The following STAC variants were observed in gnomAD, a reference collection of about 807,000 sequenced individuals.
STAC encodes SH3 and cysteine rich domain.
Under a neutral mutation model 48.8 loss-of-function variants are expected in STAC, and 43 were observed. The ratio of observed to expected loss-of-function variants is 0.88; its 90% CI spans 0.69 to 1.14. The LOEUF (loss-of-function observed/expected upper bound fraction) is 1.14, where lower values mean the gene tolerates loss of function less well. Ranked by LOEUF, STAC falls within the 50% of genes most tolerant of loss-of-function variation. The pLI is 0.00. For synonymous variants in STAC, 193 were observed against 179.5 expected (o/e 1.07, Z -0.60); for missense variants, 497 against 504.0 (o/e 0.99, Z 0.13).
At chr3:36,513,309 T>G (rs1400916326) in intron 8 of STAC, among the ~76,000 whole-genome samples, 1 of 152,156 alleles carries the variant, frequency 6.6e-6, no homozygotes, top group Non-Finnish European at 1.5e-5. Flanking sequence ...ACCTGCCCCT[T>G]AGGATGAAAG....
chr3:36,420,135 A>G (rs975562950), intron 1 of STAC, among the ~76,000 whole-genome samples: 1 of 152,206 alleles, frequency 6.6e-6, no homozygotes, highest in Non-Finnish European at 1.5e-5. Flanking sequence ...TAGCACTGAG[A>G]ATAGAATAAC....
At chr3:36,479,291 C>T (rs547361325) in intron 2 of STAC, among the ~76,000 whole-genome samples, 1 of 151,954 alleles carries the variant, frequency 6.6e-6, no homozygotes, top group East Asian at 1.9e-4. Flanking sequence ...TTAACAGCTT[C>T]TGAAATTTCA....
chr3:36,428,908 G>A (rs1229615001), intron 1 of STAC, among the ~76,000 whole-genome samples: 1 of 152,086 alleles, frequency 6.6e-6, no homozygotes, highest in Non-Finnish European at 1.5e-5. Context: ...ATCACTCTTG[G>A]CCACTTTGAA....
intron 1 of STAC, among the ~76,000 whole-genome samples, chr3:36,429,575 G>A (rs796191195): frequency 7.9e-5 from 12 of 152,146 alleles, no homozygotes; most frequent in African/African-American, 2.9e-4. Context: ...CATGTCCCTG[G>A]GCCACCTCAA....
At chr3:36,388,105 G>C (rs1033498216) in intron 1 of STAC, among the ~76,000 whole-genome samples, 2 of 152,042 alleles carry the variant, frequency 1.3e-5, no homozygotes, top group African/African-American at 4.8e-5. Context: ...ATCTTCTTTG[G>C]AGAAATATCT....
At chr3:36,507,871 C>T (rs1698442233) in intron 8 of STAC, among the ~76,000 whole-genome samples, 1 of 152,162 alleles carries the variant, frequency 6.6e-6, no homozygotes, top group South Asian at 2.1e-4. Flanking sequence ...AAAAAACCAG[C>T]TCCTGGATTC....
At chr3:36,418,703 A>G (rs1043186945) in intron 1 of STAC, among the ~76,000 whole-genome samples, 2 of 151,050 alleles carry the variant, frequency 1.3e-5, no homozygotes, top group African/African-American at 4.9e-5. Context: ...GAAGGATATC[A>G]AAGTATTTTA....
rs546495397 is a variant in STAC, at chr3:36,401,995, G to A, written c.111+21241G>A. Among the ~76,000 whole-genome samples the A allele has an allele frequency of 2.6e-5, 4 of 152,310 alleles. No homozygotes were observed. The South Asian group carries it at 8.3e-4, about 32-fold the overall frequency. Reference sequence around the variant, plus strand: ...TTTCACAGATGACAAAACTATAGAGGTGGAGGCTGAGAAAAGTAAAGCCGC... The same window carrying A: ...TTTCACAGATGACAAAACTATAGAGATGGAGGCTGAGAAAAGTAAAGCCGC... On this transcript the variant is annotated intron_variant, in intron 1 of 10. Coordinates refer to ENST00000273183, the MANE Select transcript of STAC (RefSeq NM_003149.3).
At chr3:36,461,453 G>T (rs566112292) in intron 2 of STAC, among the ~76,000 whole-genome samples, 6 of 152,298 alleles carry the variant, frequency 3.9e-5, no homozygotes, top group Admixed American at 1.3e-4. Flanking sequence ...CTCTCAAAGA[G>T]TTGACATTTT....
chr3:36,446,076 T>C (rs1429757960), intron 2 of STAC, among the ~76,000 whole-genome samples: 1 of 152,198 alleles, frequency 6.6e-6, no homozygotes, highest in East Asian at 1.9e-4. Flanking sequence ...CTTAGCTTCT[T>C]ATTGCCAGCT....
intron 8 of STAC, among the ~76,000 whole-genome samples, chr3:36,510,364 A>C (rs1215328482): frequency 6.6e-6 from 1 of 152,222 alleles, no homozygotes; most frequent in Admixed American, 6.5e-5. Context: ...TGGGGCTGTA[A>C]ATTAGTTCAA....
intron 1 of STAC, among the ~76,000 whole-genome samples, chr3:36,424,256 G>GAA (rs968095235): frequency 7.3e-6 from 1 of 137,302 alleles, no homozygotes. Flanking sequence ...TATTTTCTCC[G>GAA]AAAAAAAAAA....
At chr3:36,387,311 C>G (rs1014915092) in intron 1 of STAC, among the ~76,000 whole-genome samples, 1 of 151,940 alleles carries the variant, frequency 6.6e-6, no homozygotes, top group African/African-American at 2.4e-5. Context: ...TTTTTCTTGA[C>G]TGTGGTAAAA....
chr3:36,514,527 T>A (rs1698622571), intron 8 of STAC, among the ~76,000 whole-genome samples: 1 of 152,188 alleles, frequency 6.6e-6, no homozygotes, highest in African/African-American at 2.4e-5. Context: ...CTGGAATTAT[T>A]TGGCTAGTCT....
chr3:36,382,457 A>G (rs534365819), intron 1 of STAC, among the ~76,000 whole-genome samples: 3 of 152,248 alleles, frequency 2.0e-5, no homozygotes, highest in East Asian at 1.9e-4. Flanking sequence ...TTATCCACCA[A>G]TTTATCTGGC....
At chr3:36,386,901 C>G (rs1699627812) in intron 1 of STAC, among the ~76,000 whole-genome samples, 1 of 152,188 alleles carries the variant, frequency 6.6e-6, no homozygotes. Flanking sequence ...ATCACCTGAT[C>G]AATTTGCACA....
At chr3:36,396,545 A>G (rs566161425) in intron 1 of STAC, among the ~76,000 whole-genome samples, 1 of 152,256 alleles carries the variant, frequency 6.6e-6, no homozygotes, top group Non-Finnish European at 1.5e-5. Flanking sequence ...CTTCATTGGA[A>G]TGCTCAGGAA....
At chr3:36,486,320 A>C (rs1377346842) in intron 5 of STAC, 71 bp downstream of exon 5, 7 of 1,339,476 alleles carry the variant, frequency 5.2e-6, no homozygotes, top group African/African-American at 1.4e-5. Flanking sequence ...GCACTGCAGT[A>C]TGGGGTATTC....
chr3:36,535,580 A>G (rs1167420142), intron 10 of STAC, among the ~76,000 whole-genome samples: 1 of 152,202 alleles, frequency 6.6e-6, no homozygotes, highest in African/African-American at 2.4e-5. Flanking sequence ...GCTTTTGCCC[A>G]TTCGGTATAA....
Sources: gnomAD v4.1 joint callset for allele counts (sites outside exome capture counted in the v4.1 genomes callset) on GRCh38, gnomAD v4.1.1 for gene constraint, MANE v1.5 for transcripts, NCBI Gene and HGNC (gene_info 2026-07-23, HGNC 2026-07-21) for gene names.